Variants in VTI1A observed in about 807,000 individuals in gnomAD.
The protein encoded by VTI1A is vesicle transport through interaction with t-SNAREs 1A, also known as vesicle transport through interaction with t-SNAREs homolog 1A.
In VTI1A, 22 loss-of-function variants were observed where a neutral mutation model predicts 34.9. The ratio of observed to expected loss-of-function variants is 0.63; its 90% CI spans 0.45 to 0.90. The LOEUF is 0.90. Ranked by LOEUF, VTI1A falls within the 40% of genes least tolerant of loss-of-function variation. The pLI, the probability that VTI1A is intolerant of heterozygous loss-of-function variation, is 0.00. For missense variants in VTI1A, 268 were observed against 275.6 expected (o/e 0.97, Z 0.20); for synonymous variants, 87 against 97.3 (o/e 0.89, Z 0.62).
chr10:112,510,539 G>A (rs1849569809), intron 3 of VTI1A, among the ~76,000 whole-genome samples: 1 of 152,128 alleles, frequency 6.6e-6, no homozygotes, highest in African/African-American at 2.4e-5. Context: ...AGGAGGCTGA[G>A]GTGGAAGGAT....
chr10:112,602,576 G>A lies in VTI1A; in HGVS notation c.427+64246G>A, dbSNP rs1361625159. On this transcript the variant is annotated intron_variant, in intron 5 of 7. Transcript: ENST00000393077. Reference sequence around the variant, plus strand: ...CAAATTCTGAAATGCCTCAATTAATGTGAAGCCACAATTGATTATGTTTTT... The same window carrying A: ...CAAATTCTGAAATGCCTCAATTAATATGAAGCCACAATTGATTATGTTTTT... Among the ~76,000 whole-genome samples the A allele has an allele frequency of 4.6e-5, 7 of 152,210 alleles. No individual in the cohort carries two copies. In the East Asian group the frequency reaches 5.8e-4, roughly 13 times the overall value.
At chr10:112,814,689 T>C (rs1278043427) in intron 7 of VTI1A, among the ~76,000 whole-genome samples, 1 of 152,154 alleles carries the variant, frequency 6.6e-6, no homozygotes, top group Non-Finnish European at 1.5e-5. Flanking sequence ...CCATCTTTTT[T>C]GCTATGGAGC....
the VTI1A span, among the ~76,000 whole-genome samples, chr10:112,830,823 A>AACCC: frequency 9.0e-5 from 4 of 44,498 alleles, no homozygotes; most frequent in Non-Finnish European, 1.6e-4. Context: ...TAAAACCCTC[A>AACCC]TATATATATA....
rs140364087 is a variant in VTI1A at position 112,669,806 on chromosome 10, A to G, written c.560+808A>G. Reference sequence around the variant, plus strand: ...CTATAGAGACAACCATCTAAAAATAACTAAAGTCTTGTCTGATCACATATC... The same window carrying G: ...CTATAGAGACAACCATCTAAAAATAGCTAAAGTCTTGTCTGATCACATATC... On this transcript the variant is annotated intron_variant, in intron 7 of 7. Coordinates refer to ENST00000393077, the MANE Select transcript of VTI1A (RefSeq NM_145206.4). Among the ~76,000 whole-genome samples, 1,075 of 152,322 alleles carry G rather than the reference A, an allele frequency of 7.1e-3. 9 individuals are homozygous for G. Among genetic ancestry groups the G allele is most frequent in the African/African-American group, 0.024 (992 of 41,582 alleles).
rs1853544420 is a variant in VTI1A, at chr10:112,817,065, G to T, written c.*1682G>T. 4.3e-6 allele frequency: 1 copy of T among 232,394 alleles called. No homozygotes were observed. Among genetic ancestry groups the T allele is most frequent in the Non-Finnish European group, 8.5e-6 (1 of 117,574 alleles). 14.4% of individuals were successfully genotyped at this position (232,394 alleles called of 1,614,324 possible). A position where few individuals can be genotyped will look rare whatever the true frequency, so the allele number is the denominator to read the frequency against. ...CTGTCAGCTTAAGGGATCCGTCTCA[G>T]CAAGAATCTTGTATTCTGATAACGG... is the stretch of plus-strand genomic sequence containing the variant. On this transcript the variant is annotated 3_prime_UTR_variant, in exon 8 of 8. Transcript: ENST00000393077.
intron 5 of VTI1A, among the ~76,000 whole-genome samples, chr10:112,618,520 T>TAGAGAGAGAGAGAGAGAG (rs1249234028): frequency 1.3e-3 from 60 of 46,164 alleles, no homozygotes; most frequent in African/African-American, 3.7e-3. Context: ...TATATATATA[T>TAGAGAGAGAGAGAGAGAG]ATATAGAGAG....
At position 112,757,045 on chromosome 10, in the gene VTI1A, C is replaced by CA. The variant is rs35767517; in HGVS notation, c.561-58229dup. 6.4e-3 allele frequency among the ~76,000 whole-genome samples: 840 copies of CA among 131,676 alleles called. 10 individuals are homozygous for CA. The highest frequency in any genetic ancestry group is 0.017 in the African/African-American group (645 of 36,884). 86.4% of individuals were successfully genotyped at this position (131,676 alleles called of 152,430 possible). A position where few individuals can be genotyped will look rare whatever the true frequency, so the allele number is the denominator to read the frequency against. On this transcript the variant is annotated intron_variant, in intron 7 of 7. Transcript: ENST00000393077. Reference sequence around the variant, plus strand: ...TGGGTGACAGAGTGAGACCTTGCCTCAAAAAAAAAAAAAAAAGATGCATCA... The same window carrying CA: ...TGGGTGACAGAGTGAGACCTTGCCTCAAAAAAAAAAAAAAAAAGATGCATCA...
At chr10:112,737,856 G>A (rs1850550929) in intron 7 of VTI1A, 1 of 1,061,244 alleles carries the variant, frequency 9.4e-7, no homozygotes, top group Non-Finnish European at 1.1e-6. Context: ...GTTTATCGTT[G>A]GTTTGATAGC....
intron 5 of VTI1A, among the ~76,000 whole-genome samples, chr10:112,567,398 GT>G (rs1307000075): frequency 4.6e-5 from 7 of 152,120 alleles, no homozygotes; most frequent in Non-Finnish European, 1.0e-4. Flanking sequence ...GTGAATGACA[GT>G]TCTTTTTTTA....
chr10:112,583,709 A>C (rs1461050065), intron 5 of VTI1A, among the ~76,000 whole-genome samples: 1 of 152,178 alleles, frequency 6.6e-6, no homozygotes, highest in Non-Finnish European at 1.5e-5. Context: ...GTACAAAGGA[A>C]GCAGTGTTAT....
intron 7 of VTI1A, among the ~76,000 whole-genome samples, chr10:112,779,566 A>G (rs1388900837): frequency 6.6e-6 from 1 of 152,196 alleles, no homozygotes; most frequent in African/African-American, 2.4e-5. Context: ...CAGCTATTTC[A>G]GATCATCTGG....
At chr10:112,810,095 TTAAAAAAAAAAAAA>T (rs1853231278) in intron 7 of VTI1A, among the ~76,000 whole-genome samples, 1 of 151,486 alleles carries the variant, frequency 6.6e-6, no homozygotes, top group East Asian at 1.9e-4. Flanking sequence ...GTGGTTTGAT[TTAAAAAAAAAAAAA>T]TGTTCACTGT....
At chr10:112,517,249 A>G (rs982214573) in intron 3 of VTI1A, among the ~76,000 whole-genome samples, 11 of 152,086 alleles carry the variant, frequency 7.2e-5, no homozygotes, top group African/African-American at 2.4e-4. Context: ...AGTGTCAGGT[A>G]CTATCAAGAG....
intron 7 of VTI1A, among the ~76,000 whole-genome samples, chr10:112,796,819 CT>C (rs907633470): frequency 1.3e-5 from 2 of 152,298 alleles, no homozygotes; most frequent in East Asian, 1.9e-4. Flanking sequence ...TACATTGATC[CT>C]TTTTTTCCCC....
At chr10:112,659,907 G>A (rs959030399) in intron 5 of VTI1A, among the ~76,000 whole-genome samples, 5 of 152,220 alleles carry the variant, frequency 3.3e-5, no homozygotes, top group African/African-American at 1.2e-4. Context: ...GCTACTGTAT[G>A]AAGCAGTCTA....
intron 7 of VTI1A, among the ~76,000 whole-genome samples, chr10:112,683,321 T>C (rs191250575): frequency 6.6e-6 from 1 of 152,226 alleles, no homozygotes; most frequent in Non-Finnish European, 1.5e-5. Context: ...GCCCTTATAG[T>C]GCTTGGCCTG....
intron 7 of VTI1A, among the ~76,000 whole-genome samples, chr10:112,687,180 C>T (rs933161018): frequency 2.5e-4 from 36 of 141,714 alleles, no homozygotes; most frequent in Non-Finnish European, 4.1e-4. Flanking sequence ...TGAAATCAAA[C>T]TTCACCACAT....
At chr10:112,757,263 T>TATTCCAC (rs1204635132) in intron 7 of VTI1A, among the ~76,000 whole-genome samples, 1 of 150,268 alleles carries the variant, frequency 6.7e-6, no homozygotes, top group African/African-American at 2.4e-5. Flanking sequence ...GAGGAGTAAC[T>TATTCCAC]ATTCCACACA....
intron 7 of VTI1A, among the ~76,000 whole-genome samples, chr10:112,802,330 C>G (rs1427580725): frequency 1.3e-5 from 2 of 152,108 alleles, no homozygotes; most frequent in African/African-American, 4.8e-5. Flanking sequence ...ATCAAAGAAC[C>G]AAGGAGGATC....
Sources: gnomAD v4.1 joint callset for allele counts (sites outside exome capture counted in the v4.1 genomes callset) on GRCh38, gnomAD v4.1.1 for gene constraint, MANE v1.5 for transcripts, NCBI Gene and HGNC (gene_info 2026-07-23, HGNC 2026-07-21) for gene names.